Variants in GLYAT observed in about 807,000 individuals in gnomAD.
The protein encoded by GLYAT is glycine-N-acyltransferase, also known as glycine N-acyltransferase.
GLYAT carries 25 observed loss-of-function variants against 22.8 expected under a neutral mutation model. That is an observed-to-expected ratio of 1.09 (90% CI 0.80 to 1.53). GLYAT has a LOEUF of 1.53. GLYAT is among the 40% of genes most tolerant of loss of function. The pLI, the probability that GLYAT is intolerant of heterozygous loss-of-function variation, is 0.00. For synonymous variants in GLYAT, 140 were observed against 122.7 expected (o/e 1.14, Z -0.93); for missense variants, 411 against 353.9 (o/e 1.16, Z -1.29).
chr11:58,712,819 C>A lies in GLYAT; in HGVS notation c.257G>T (p.Cys86Phe). ...YQIYSKDPQN[C>F]QEFLGSPELI... ...TTCTGGTGATCCAAGGAATTCCTGACAGTTTTGGGGATCTTTGGAGTAGAT... is the reference window on the plus strand; with the variant it reads ...TTCTGGTGATCCAAGGAATTCCTGAAAGTTTTGGGGATCTTTGGAGTAGAT... Residue 86 changes from cysteine to phenylalanine, a missense_variant, in exon 4 of 6, where the codon TGT becomes TTT. Transcript: ENST00000344743. The A allele has an allele frequency of 6.2e-7, 1 of 1,610,562 alleles. No individual in the cohort carries two copies. The highest frequency in any genetic ancestry group is 8.5e-7 in the Non-Finnish European group (1 of 1,176,924).
chr11:58,710,145 G>A lies in GLYAT; in HGVS notation c.512C>T (p.Ser171Leu), dbSNP rs1045360. ...KAINQEMFKL[S>L]SMDVTHAHLV... Reference sequence around the variant, plus strand: ...GTGAGCATGGGTAACATCCATGGATGAGAGTTTAAACATCTCTTGGTTGCT... The same window carrying A: ...GTGAGCATGGGTAACATCCATGGATAAGAGTTTAAACATCTCTTGGTTGCT... Residue 171 changes from serine to leucine, a missense_variant, in exon 6 of 6, where the codon TCA becomes TTA. Coordinates refer to ENST00000344743, the MANE Select transcript of GLYAT (RefSeq NM_201648.3). 6.2e-7 allele frequency: 1 copy of A among 1,613,486 alleles called. No homozygotes were observed. The highest frequency in any genetic ancestry group is 8.5e-7 in the Non-Finnish European group (1 of 1,179,582).
intron 1 of GLYAT, among the ~76,000 whole-genome samples, chr11:58,729,624 T>A (rs1203473874): frequency 2.6e-5 from 4 of 152,206 alleles, no homozygotes; most frequent in African/African-American, 9.6e-5. Context: ...ATTAATTGTC[T>A]GTCTAATCAC....
chr11:58,714,714 C>G (rs521200), intron 3 of GLYAT, among the ~76,000 whole-genome samples: 104,825 of 151,958 alleles, frequency 0.69, 37,693 homozygotes, highest in Middle Eastern at 0.88. Context: ...GTCATTCTTT[C>G]TCCTGCCACC....
chr11:58,722,004 C>T (rs561927621), intron 2 of GLYAT, among the ~76,000 whole-genome samples: 3 of 152,146 alleles, frequency 2.0e-5, no homozygotes, highest in South Asian at 4.1e-4. Flanking sequence ...TTGTTAAATG[C>T]TAACTTTAGT....
At chr11:58,710,247 A>T in intron 5 of GLYAT, 79 bp from the exon 6 acceptor site, 1 of 1,499,254 alleles carries the variant, frequency 6.7e-7, no homozygotes, top group Non-Finnish European at 8.9e-7. Flanking sequence ...GTCTTGAGAG[A>T]CAGAGTAGAC....
At chr11:58,720,532 C>G (rs1462025106) in intron 2 of GLYAT, among the ~76,000 whole-genome samples, 1 of 152,012 alleles carries the variant, frequency 6.6e-6, no homozygotes, top group Non-Finnish European at 1.5e-5. Flanking sequence ...GTAGGCCTAA[C>G]TAACTTTGGG....
At chr11:58,710,223 C>T in intron 5 of GLYAT, 55 bp from the exon 6 acceptor site, 2 of 1,542,026 alleles carry the variant, frequency 1.3e-6, no homozygotes, top group Non-Finnish European at 1.7e-6. Context: ...TTTGTATTTG[C>T]TGTGACCTCT....
At chr11:58,730,335 T>G (rs1213485533) in intron 1 of GLYAT, among the ~76,000 whole-genome samples, 1 of 152,070 alleles carries the variant, frequency 6.6e-6, no homozygotes, top group Admixed American at 6.6e-5. Flanking sequence ...TAGTTGGGTA[T>G]GGTGACACAC....
intron 2 of GLYAT, among the ~76,000 whole-genome samples, chr11:58,721,337 T>A (rs1190251089): frequency 6.7e-6 from 1 of 149,992 alleles, no homozygotes; most frequent in Non-Finnish European, 1.5e-5. Flanking sequence ...GATGTTTTTA[T>A]TTTTCTTTTA....
chr11:58,712,793 G>T lies in GLYAT; in HGVS notation c.283C>A (p.Leu95Ile). ...TGTAAATGCTGTTTCCAGTTGATGA[G>T]TTCTGGTGATCCAAGGAATTCCTGA... ...NCQEFLGSPE[L>I]INWKQHLQIQ... The change falls in exon 4 of 6, where the codon CTC (leucine) becomes ATC (isoleucine). Residue 95 changes from leucine (L) to isoleucine (I), a missense_variant. Transcript: ENST00000344743. The T allele has an allele frequency of 1.2e-6, 2 of 1,612,796 alleles. No homozygotes were observed. The highest frequency in any genetic ancestry group is 2.7e-5 in the African/African-American group (2 of 75,002).
At chr11:58,724,690 T>G (rs1224373675) in intron 1 of GLYAT, among the ~76,000 whole-genome samples, 179 bp from the exon 2 acceptor site, 1 of 151,798 alleles carries the variant, frequency 6.6e-6, no homozygotes, top group Non-Finnish European at 1.5e-5. Context: ...TTTCTCTGAG[T>G]TTTTTAGCTC....
intron 1 of GLYAT, chr11:58,728,720 A>G (rs1856834881): frequency 6.6e-6 from 1 of 151,378 alleles, no homozygotes; most frequent in Non-Finnish European, 1.5e-5. Context: ...GAGCACAAGG[A>G]CTGTCACTGA....
At chr11:58,710,822 A>T (rs1856606831) in intron 4 of GLYAT, 61 bp from the exon 5 acceptor site, 1 of 1,006,680 alleles carries the variant, frequency 9.9e-7, no homozygotes, top group Admixed American at 1.7e-5. Context: ...GAAGTTCTGC[A>T]GTGGAGTAAG....
chr11:58,715,315 C>A lies in GLYAT; in HGVS notation c.189+1G>T. Reference sequence around the variant, plus strand: ...AAGAATATTCACACATGGAAACTTACCTGCTCCTGAGGGCAGACAACCACT... The same window carrying A: ...AAGAATATTCACACATGGAAACTTAACTGCTCCTGAGGGCAGACAACCACT... On this transcript the variant is annotated splice_donor_variant, in intron 3 of 5. Transcript: ENST00000344743. LOFTEE classifies it high-confidence loss of function. The A allele has an allele frequency of 7.2e-7, 1 of 1,384,374 alleles. No individual in the cohort carries two copies. Among genetic ancestry groups the A allele is most frequent in the Non-Finnish European group, 1.0e-6 (1 of 972,340 alleles). The allele number at this position is 1,384,374 out of a possible 1,614,324, so 85.8% of individuals were successfully genotyped here. A position where few individuals can be genotyped will look rare whatever the true frequency, so the allele number is the denominator to read the frequency against.
chr11:58,727,843 C>T (rs1856825470), intron 1 of GLYAT, among the ~76,000 whole-genome samples: 1 of 152,120 alleles, frequency 6.6e-6, no homozygotes, highest in African/African-American at 2.4e-5. Context: ...CACATGCTCA[C>T]CTCTCAAGTT....
In GLYAT at chr11:58,722,988, T is replaced by A. The variant is rs374412252; in HGVS notation, c.81+1428A>T. 2.6e-5 allele frequency among the ~76,000 whole-genome samples: 4 copies of A among 152,140 alleles called. No homozygotes were observed. The East Asian group carries it at 7.7e-4, about 29-fold the overall frequency. On this transcript the variant is annotated intron_variant, in intron 2 of 5. Transcript: ENST00000344743. ...AAAGAGGAGGAATGCTATTTCCTCA[T>A]GAAAGGGAGGAGTCATGAGGGCCTC...
At chr11:58,710,492 A>G in intron 5 of GLYAT, 98 bp downstream of exon 5, 1 of 941,476 alleles carries the variant, frequency 1.1e-6, no homozygotes, top group Admixed American at 2.0e-5. Context: ...TTCTTTGTAC[A>G]ACATTGATTG....
intron 2 of GLYAT, among the ~76,000 whole-genome samples, chr11:58,716,571 C>T (rs1050754677): frequency 2.0e-5 from 3 of 151,936 alleles, no homozygotes; most frequent in Admixed American, 2.0e-4. Context: ...GTACCTGGGG[C>T]CTATTAAAAT....
chr11:58,718,678 T>G (rs965950756), intron 2 of GLYAT, among the ~76,000 whole-genome samples: 13 of 151,900 alleles, frequency 8.6e-5, no homozygotes, highest in African/African-American at 3.1e-4. Context: ...GAAAATTTAT[T>G]ACTTCTGTGG....
Sources: gnomAD v4.1 joint callset for allele counts (sites outside exome capture counted in the v4.1 genomes callset) on GRCh38, gnomAD v4.1.1 for gene constraint, MANE v1.5 for transcripts, NCBI Gene and HGNC (gene_info 2026-07-23, HGNC 2026-07-21) for gene names.